The following MTF2 variants were observed in gnomAD, a reference collection of about 807,000 sequenced individuals.
The protein encoded by MTF2 is metal-response element-binding transcription factor 2.
MTF2 carries 11 observed loss-of-function variants against 79.5 expected under a neutral mutation model. That is an observed-to-expected ratio of 0.14 (90% CI 0.09 to 0.23). The LOEUF (loss-of-function observed/expected upper bound fraction) is 0.23. Ranked by LOEUF, MTF2 falls within the 10% of genes least tolerant of loss-of-function variation. The pLI, the probability that MTF2 is intolerant of heterozygous loss-of-function variation, is 1.00. For missense variants in MTF2, 486 were observed against 711.2 expected (o/e 0.68, Z 3.60); for synonymous variants, 208 against 232.8 (o/e 0.89, Z 0.97).
intron 14 of MTF2, among the ~76,000 whole-genome samples, chr1:93,135,560 G>A (rs1413642981): frequency 6.6e-6 from 1 of 152,110 alleles, no homozygotes; most frequent in Non-Finnish European, 1.5e-5. Context: ...TTGGCTGGGT[G>A]TGGTGGCTTA....
At chr1:93,114,385 A>G (rs1470032087) in intron 3 of MTF2, among the ~76,000 whole-genome samples, 1 of 152,236 alleles carries the variant, frequency 6.6e-6, no homozygotes, top group African/African-American at 2.4e-5. Context: ...CCCATCCCTC[A>G]TCTCCACCTT....
rs756944942 is a variant in MTF2, at chr1:93,134,141, C to T, written c.1370C>T (p.Thr457Met). The T allele has an allele frequency of 1.2e-5, 20 of 1,613,488 alleles. No individual in the cohort carries two copies. Among genetic ancestry groups the T allele is most frequent in the African/African-American group, 2.7e-5 (2 of 74,900 alleles). Residue 457 changes from threonine (T) to methionine (M), a missense_variant, in exon 14 of 15, where the codon ACG becomes ATG. Around this residue, in one of 4 missense-constraint regions of MTF2, gnomAD observed 209 missense variants for 206.5 expected, o/e 1.01. Transcript: ENST00000370298. ...HSSNTSDVDF[T>M]GASSAKETTS... ...TCCAATACCTCAGATGTGGATTTCA[C>T]GGGTGCTTCCAGTGCAAAAGAAACT... is the stretch of plus-strand genomic sequence containing the variant.
At position 93,093,026 on chromosome 1, in the gene MTF2, C is replaced by T. The variant is rs975083094; in HGVS notation, c.5+13495C>T. On this transcript the variant is annotated intron_variant, in intron 1 of 14. Transcript: ENST00000370298. The stretch of plus-strand genomic sequence containing the variant: ...TGAAATCCTGTCTCTACTAAAAATA[C>T]AAAAAATTAGCCAGGCGTGGTGGCA... Among the ~76,000 whole-genome samples the T allele has an allele frequency of 2.6e-5, 4 of 151,942 alleles. No individual in the cohort carries two copies. In the East Asian group the frequency reaches 7.8e-4, roughly 29 times the overall value.
At chr1:93,117,749 T>C (rs2101069192) in intron 6 of MTF2, among the ~76,000 whole-genome samples, 1 of 152,074 alleles carries the variant, frequency 6.6e-6, no homozygotes. Context: ...CCCAGAGGCC[T>C]GGCATGGTGG....
rs1246883895 is a variant in MTF2, at chr1:93,110,525, A to G, written c.205-20A>G. 2.5e-6 allele frequency: 4 copies of G among 1,604,932 alleles called. No individual in the cohort carries two copies. The highest frequency in any genetic ancestry group is 1.7e-5 in the Admixed American group (1 of 59,640). ...TTTTAATTTTAAGAGATCACCGTTAAGTATTTCTCTGTATTGCAGATAAAC... is the reference window on the plus strand; with the variant it reads ...TTTTAATTTTAAGAGATCACCGTTAGGTATTTCTCTGTATTGCAGATAAAC... On this transcript the variant is annotated intron_variant, in intron 2 of 14. Coordinates refer to ENST00000370298, the MANE Select transcript of MTF2 (RefSeq NM_007358.4).
intron 9 of MTF2, chr1:93,121,550 C>A: frequency 1.0e-6 from 1 of 981,180 alleles, no homozygotes; most frequent in Non-Finnish European, 1.2e-6. Context: ...TATTTCATAT[C>A]AAATAGGATA....
intron 9 of MTF2, among the ~76,000 whole-genome samples, chr1:93,122,641 CT>C (rs1656529455): frequency 6.6e-6 from 1 of 152,112 alleles, no homozygotes; most frequent in South Asian, 2.1e-4. Context: ...ATTATTTCCA[CT>C]TTTTGACCAT....
chr1:93,121,373 A>G, intron 9 of MTF2: 1 of 803,732 alleles, frequency 1.2e-6, no homozygotes, highest in Non-Finnish European at 1.5e-6. Flanking sequence ...GAATTACTAA[A>G]GTACATATAT....
chr1:93,093,168 T>C (rs1002986832), intron 1 of MTF2, among the ~76,000 whole-genome samples: 39 of 150,884 alleles, frequency 2.6e-4, no homozygotes, highest in African/African-American at 9.3e-4. Context: ...GGCGACAGAG[T>C]GAGACTCTGT....
intron 7 of MTF2, 149 bp from the exon 8 acceptor site, chr1:93,119,184 A>G: frequency 1.7e-6 from 1 of 603,614 alleles, no homozygotes; most frequent in East Asian, 3.0e-5. Context: ...CTTCAATCAC[A>G]GAAAGCATTA....
rs915695253 is a variant in MTF2, at chr1:93,092,212, G to A, written c.5+12681G>A. Among the ~76,000 whole-genome samples, 4 of 151,998 alleles carry A rather than the reference G, an allele frequency of 2.6e-5. No homozygotes were observed. In the East Asian group the frequency reaches 5.8e-4, roughly 22 times the overall value. On this transcript the variant is annotated intron_variant, in intron 1 of 14. Coordinates refer to ENST00000370298, the MANE Select transcript of MTF2 (RefSeq NM_007358.4). The stretch of plus-strand genomic sequence containing the variant: ...TCTCATATCTCTGAGGATATTAATT[G>A]GTTATTGAAACAGTTTTTTCACATA...
intron 9 of MTF2, among the ~76,000 whole-genome samples, chr1:93,122,956 T>TA (rs1656539216): frequency 6.6e-6 from 1 of 152,098 alleles, no homozygotes; most frequent in South Asian, 2.1e-4. Context: ...AAAGGTAACA[T>TA]AAATAATGGG....
chr1:93,111,246 C>G (rs935240642), intron 3 of MTF2, among the ~76,000 whole-genome samples: 4 of 152,158 alleles, frequency 2.6e-5, no homozygotes, highest in African/African-American at 9.7e-5. Context: ...CCAGGTACCT[C>G]TTTCATGCAA....
In MTF2 at chr1:93,086,898, G is replaced by T. The variant is rs1275068384; in HGVS notation, c.5+7367G>T. On this transcript the variant is annotated intron_variant, in intron 1 of 14. Transcript: ENST00000370298. ...ATTTGAAATGCTTGGGACCAGAAGG[G>T]TTTTAGGATTTTAGGCTTATTTGCA... 3.9e-5 allele frequency among the ~76,000 whole-genome samples: 6 copies of T among 152,136 alleles called. No homozygotes were observed. In the East Asian group the frequency reaches 1.2e-3, roughly 29 times the overall value.
intron 9 of MTF2, among the ~76,000 whole-genome samples, chr1:93,125,133 T>C (rs1160969241): frequency 1.3e-5 from 2 of 151,698 alleles, no homozygotes; most frequent in African/African-American, 4.8e-5. Context: ...AAAAAGTGGG[T>C]TTTAGAAATT....
intron 7 of MTF2, among the ~76,000 whole-genome samples, chr1:93,118,787 G>A (rs1044817512): frequency 3.3e-5 from 5 of 152,184 alleles, no homozygotes; most frequent in African/African-American, 4.8e-5. Flanking sequence ...CTTTAGATAT[G>A]AAAAATTTGT....
chr1:93,127,556 GA>G (rs1656748443), intron 10 of MTF2, among the ~76,000 whole-genome samples: 1 of 152,106 alleles, frequency 6.6e-6, no homozygotes, highest in African/African-American at 2.4e-5. Flanking sequence ...CTGTTCCATT[GA>G]AAAAGCATAT....
At chr1:93,116,577 C>T (rs746996533) in intron 6 of MTF2, among the ~76,000 whole-genome samples, 6 of 146,212 alleles carry the variant, frequency 4.1e-5, no homozygotes, top group Non-Finnish European at 5.9e-5. Context: ...GGTTATAGCT[C>T]ACTCCAGCAT....
In MTF2 at chr1:93,138,709, C is replaced by A. The variant is rs1647505453; in HGVS notation, c.*1682C>A. 6.6e-6 allele frequency: 1 copy of A among 152,184 alleles called. No individual in the cohort carries two copies. Among genetic ancestry groups the A allele is most frequent in the African/African-American group, 2.4e-5 (1 of 41,444 alleles). The allele number at this position is 152,184 out of a possible 1,614,324, so 9.4% of individuals were successfully genotyped here. A position where few individuals can be genotyped will look rare whatever the true frequency, so the allele number is the denominator to read the frequency against. ...TAGCTATTAATTTAAGGTTGCCTTTCCTGCAGCTGCAATATTTTGAATAAC... is the reference window on the plus strand; with the variant it reads ...TAGCTATTAATTTAAGGTTGCCTTTACTGCAGCTGCAATATTTTGAATAAC... On this transcript the variant is annotated 3_prime_UTR_variant, in exon 15 of 15. Coordinates refer to ENST00000370298, the MANE Select transcript of MTF2 (RefSeq NM_007358.4).
Sources: allele counts gnomAD v4.1 joint callset (sites outside exome capture counted in the v4.1 genomes callset), GRCh38; gene constraint gnomAD v4.1.1; regional missense constraint gnomAD v4.1.1; transcripts MANE v1.5; gene names NCBI Gene and HGNC (gene_info 2026-07-23, HGNC 2026-07-21).